The following SAMM50 variants were observed in gnomAD, a reference collection of about 807,000 sequenced individuals.
The protein encoded by SAMM50 is SAMM50 sorting and assembly machinery component, also known as sorting and assembly machinery component 50 homolog.
A neutral mutation model predicts 66.9 loss-of-function variants in SAMM50; 47 were observed. The observed-to-expected ratio is 0.70, with a 90% CI of 0.56 to 0.90. The LOEUF is 0.90. Ranked by LOEUF, SAMM50 falls within the 40% of genes least tolerant of loss-of-function variation. The pLI is 0.00. For synonymous variants in SAMM50, 191 were observed against 214.1 expected (o/e 0.89, Z 0.94); for missense variants, 535 against 595.3 (o/e 0.90, Z 1.05).
At chr22:43,956,986 C>T (rs79559467) in intron 1 of SAMM50, 35,939 of 660,406 alleles carry the variant, frequency 0.054, 1,307 homozygotes, top group Non-Finnish European at 0.073. Context: ...CATCTTGGCT[C>T]CTGTGGCGGC....
chr22:43,958,455 AG>A (rs2050130694), intron 1 of SAMM50, among the ~76,000 whole-genome samples: 1 of 149,684 alleles, frequency 6.7e-6, no homozygotes, highest in Non-Finnish European at 1.5e-5. Context: ...CAGGGAAAAA[AG>A]TATCTGCCTT....
intron 4 of SAMM50, 43 bp from the exon 5 acceptor site, chr22:43,972,193 A>G (rs1371132593): frequency 1.5e-6 from 2 of 1,301,710 alleles, no homozygotes; most frequent in Non-Finnish European, 2.1e-6. Context: ...CCAAAGTAAA[A>G]TAACATCCTG....
intron 1 of SAMM50, among the ~76,000 whole-genome samples, chr22:43,961,961 A>G (rs2050148922): frequency 1.3e-5 from 2 of 152,076 alleles, no homozygotes; most frequent in African/African-American, 2.4e-5. Context: ...GCTGGTCTCA[A>G]ACTCCTAGGC....
intron 10 of SAMM50, among the ~76,000 whole-genome samples, chr22:43,978,541 G>T (rs1004180459): frequency 5.3e-5 from 8 of 152,064 alleles, no homozygotes; most frequent in African/African-American, 9.6e-5. Flanking sequence ...GGTGGCTGGA[G>T]GACAGAGGGG....
chr22:43,960,164 T>TA (rs772546322), intron 1 of SAMM50, among the ~76,000 whole-genome samples: 2 of 152,222 alleles, frequency 1.3e-5, no homozygotes, highest in Non-Finnish European at 2.9e-5. Flanking sequence ...CACATAATCT[T>TA]ACTTTGTTCA....
chr22:43,980,183 C>CACACACACCTAT (rs1569032188), intron 10 of SAMM50, among the ~76,000 whole-genome samples: 1 of 2,788 alleles, frequency 3.6e-4, no homozygotes, highest in Non-Finnish European at 6.4e-4. Flanking sequence ...CACCCACCCA[C>CACACACACCTAT]CCATCCATCC....
At position 43,980,962 on chromosome 22, in the gene SAMM50, C is replaced by T. The variant is rs151278507; in HGVS notation, c.937-429C>T. The stretch of plus-strand genomic sequence containing the variant: ...CTCTGCATTGGGGGAGCCTTGCAGC[C>T]GGTACCTTCTTTCAGCCTAAAATGC... On this transcript the variant is annotated intron_variant, in intron 10 of 14. Transcript: ENST00000350028. 2.4e-4 allele frequency among the ~76,000 whole-genome samples: 37 copies of T among 152,284 alleles called. No individual in the cohort carries two copies. In the East Asian group the frequency reaches 6.4e-3, roughly 26 times the overall value.
At chr22:43,968,186 C>T (rs368999439) in intron 3 of SAMM50, among the ~76,000 whole-genome samples, 62 of 140,730 alleles carry the variant, frequency 4.4e-4, no homozygotes, top group African/African-American at 1.4e-3. Flanking sequence ...GAGATTGCAC[C>T]GTTGCACTCC....
At chr22:43,963,227 G>A (rs965591469) in intron 1 of SAMM50, 59 bp from the exon 2 acceptor site, 1 of 1,034,720 alleles carries the variant, frequency 9.7e-7, no homozygotes, top group Non-Finnish European at 1.4e-6. Context: ...AAACTCAAAG[G>A]TAAGTGTGTG....
intron 4 of SAMM50, among the ~76,000 whole-genome samples, chr22:43,970,737 T>G (rs1224645332): frequency 6.6e-6 from 1 of 152,188 alleles, no homozygotes; most frequent in Non-Finnish European, 1.5e-5. Context: ...ACTTTCTGCT[T>G]TATCTTTTTT....
chr22:43,976,820 A>G lies in SAMM50; in HGVS notation c.848A>G (p.Gln283Arg), dbSNP rs1456990760. ...PRRGALLKVNQELAGYTGGDV... is the reference protein window; with the variant it reads ...PRRGALLKVNRELAGYTGGDV... ...AGAGGTGCTTTGCTGAAAGTTAACC[A>G]GGTAGTGTTGTTTCACCTGTGACCC... Residue 283 changes from glutamine to arginine, a missense_variant and splice_region_variant, in exon 9 of 15, where the codon CAG (glutamine) becomes CGG (arginine). Transcript: ENST00000350028. The G allele has an allele frequency of 1.9e-6, 3 of 1,556,302 alleles. No individual in the cohort carries two copies. In the African/African-American group the frequency reaches 4.1e-5, roughly 21 times the overall value.
intron 7 of SAMM50, among the ~76,000 whole-genome samples, chr22:43,974,422 G>C (rs954746841): frequency 6.6e-6 from 1 of 152,228 alleles, no homozygotes; most frequent in Non-Finnish European, 1.5e-5. Flanking sequence ...GATGAGAGGC[G>C]TGGTAAAGCT....
At chr22:43,981,854 C>G (rs1012960022) in intron 11 of SAMM50, among the ~76,000 whole-genome samples, 1 of 152,138 alleles carries the variant, frequency 6.6e-6, no homozygotes, top group African/African-American at 2.4e-5. Flanking sequence ...AACTTTTTAG[C>G]CTACCGTGTA....
intron 14 of SAMM50, among the ~76,000 whole-genome samples, chr22:43,994,798 G>A (rs1317985355): frequency 6.6e-6 from 1 of 152,114 alleles, no homozygotes; most frequent in Non-Finnish European, 1.5e-5. Context: ...GTTTGCAGTG[G>A]GTATTTTGTT....
chr22:43,988,702 G>A (rs985770899), intron 12 of SAMM50: 13 of 160,184 alleles, frequency 8.1e-5, no homozygotes, highest in Non-Finnish European at 1.8e-4. Context: ...GACGCTTTCT[G>A]CATTTTGTCT....
intron 12 of SAMM50, among the ~76,000 whole-genome samples, chr22:43,984,640 T>C (rs1033834110): frequency 3.3e-5 from 5 of 149,384 alleles, no homozygotes; most frequent in Admixed American, 1.3e-4. Context: ...ATTATCATTA[T>C]TATTTTGAGA....
intron 3 of SAMM50, among the ~76,000 whole-genome samples, chr22:43,968,103 T>C (rs1049281344): frequency 3.3e-5 from 5 of 151,510 alleles, no homozygotes; most frequent in African/African-American, 1.2e-4. Context: ...GGTCTGTGCC[T>C]GCAATCCCAG....
At chr22:43,994,689 G>A (rs910994615) in intron 14 of SAMM50, among the ~76,000 whole-genome samples, 11 of 152,194 alleles carry the variant, frequency 7.2e-5, no homozygotes, top group African/African-American at 1.9e-4. Flanking sequence ...GGGAGAGAGC[G>A]TGGGGTGCAC....
At chr22:43,996,044 C>G in intron 14 of SAMM50, 1 of 459,166 alleles carries the variant, frequency 2.2e-6, no homozygotes, top group East Asian at 4.0e-5. Flanking sequence ...CTGTCCTCTC[C>G]GTCCGGAGAG....
Sources: gnomAD v4.1 joint callset for allele counts (sites outside exome capture counted in the v4.1 genomes callset) on GRCh38, gnomAD v4.1.1 for gene constraint, MANE v1.5 for transcripts, NCBI Gene and HGNC (gene_info 2026-07-23, HGNC 2026-07-21) for gene names.